MYO1H: variants seen among roughly 807,000 people sequenced by gnomAD.
The protein encoded by MYO1H is unconventional myosin-Ih.
Under a neutral mutation model 149.3 loss-of-function variants are expected in MYO1H, and 118 were observed. The ratio of observed to expected loss-of-function variants is 0.79; its 90% CI spans 0.68 to 0.92. MYO1H has a LOEUF of 0.92. Ranked by LOEUF, MYO1H falls within the 40% of genes least tolerant of loss-of-function variation. The pLI, the probability that MYO1H is intolerant of heterozygous loss-of-function variation, is 0.00. For missense variants in MYO1H, 1,212 were observed against 1,280.7 expected (o/e 0.95, Z 0.82); for synonymous variants, 447 against 465.2 (o/e 0.96, Z 0.50).
the MYO1H span, among the ~76,000 whole-genome samples, chr12:109,331,867 C>T: frequency 6.6e-6 from 1 of 152,164 alleles, no homozygotes. Context: ...GTGTATACAG[C>T]CTAACCCTGT....
chr12:109,347,808 T>G (rs1868370996), upstream of MYO1H: 2 of 395,664 alleles, frequency 5.1e-6, no homozygotes, highest in East Asian at 7.2e-5. Flanking sequence ...CCTCCCACCG[T>G]AAATTATTAA....
chr12:109,320,561 T>C, the MYO1H span, among the ~76,000 whole-genome samples: 2 of 137,868 alleles, frequency 1.5e-5, no homozygotes, highest in African/African-American at 5.5e-5. Context: ...GAGGCAGAGG[T>C]TGCAGTGAGC....
At chr12:109,329,793 C>T in the MYO1H span, among the ~76,000 whole-genome samples, 2 of 152,240 alleles carry the variant, frequency 1.3e-5, no homozygotes, top group Middle Eastern at 3.4e-3. Flanking sequence ...AATTATATGC[C>T]AGTGATTATG....
chr12:109,417,027 C>T (rs897707139), intron 15 of MYO1H, among the ~76,000 whole-genome samples: 4 of 151,166 alleles, frequency 2.6e-5, no homozygotes, highest in East Asian at 2.0e-4. Flanking sequence ...AAAAATTAGC[C>T]GGTCGTGGTG....
chr12:109,324,191 A>G, the MYO1H span, among the ~76,000 whole-genome samples: 5 of 152,182 alleles, frequency 3.3e-5, no homozygotes, highest in African/African-American at 7.2e-5. Flanking sequence ...GATGAGGTCA[A>G]CTGACCAGAA....
the MYO1H span, among the ~76,000 whole-genome samples, chr12:109,319,991 T>TATTA: frequency 6.6e-6 from 1 of 152,160 alleles, no homozygotes; most frequent in South Asian, 2.1e-4. Context: ...ATGGTAGCCA[T>TATTA]GAACCATACG....
intron 16 of MYO1H, among the ~76,000 whole-genome samples, chr12:109,422,675 A>G (rs1871225060): frequency 6.6e-6 from 1 of 152,194 alleles, no homozygotes; most frequent in South Asian, 2.1e-4. Flanking sequence ...TGACTTCAGG[A>G]CGGAACACTT....
chr12:109,335,637 T>A, the MYO1H span, among the ~76,000 whole-genome samples: 2 of 152,232 alleles, frequency 1.3e-5, no homozygotes, highest in African/African-American at 4.8e-5. Context: ...GAATTGGAAT[T>A]GCATTAAATA....
chr12:109,423,350 C>T (rs919127424), intron 16 of MYO1H, among the ~76,000 whole-genome samples: 2 of 152,076 alleles, frequency 1.3e-5, no homozygotes, highest in African/African-American at 2.4e-5. Context: ...TTAGTAGAGA[C>T]GGTGTTTCAC....
rs1440790216 is a variant in MYO1H at position 109,443,226 on chromosome 12, GTA to G, written c.2689-284_2689-283del. ...TGTATATGTGTACGTATATGTGTGT[GTA>G]TATGTGTACGTATATGTGTGTGTAT... On this transcript the variant is annotated intron_variant, in intron 27 of 31. Transcript: ENST00000310903. Among the ~76,000 whole-genome samples the G allele has an allele frequency of 7.5e-4, 48 of 63,990 alleles. 11 individuals are homozygous for G. Among genetic ancestry groups the G allele is most frequent in the Non-Finnish European group, 1.0e-3 (32 of 31,026 alleles). 42.0% of individuals were successfully genotyped at this position (63,990 alleles called of 152,430 possible). A position where few individuals can be genotyped will look rare whatever the true frequency, so the allele number is the denominator to read the frequency against.
chr12:109,359,904 T>C (rs1394610954), intron 1 of MYO1H, among the ~76,000 whole-genome samples: 1 of 152,186 alleles, frequency 6.6e-6, no homozygotes, highest in East Asian at 1.9e-4. Flanking sequence ...TTTAAAGGAA[T>C]GTTTGAACTC....
chr12:109,441,913 G>A (rs565591506), intron 26 of MYO1H, among the ~76,000 whole-genome samples: 3 of 152,200 alleles, frequency 2.0e-5, no homozygotes, highest in African/African-American at 7.2e-5. Flanking sequence ...AGGGCGTGGT[G>A]GTGTCCACCT....
intron 5 of MYO1H, 87 bp downstream of exon 5, chr12:109,397,899 C>A: frequency 1.0e-6 from 1 of 982,446 alleles, no homozygotes; most frequent in Non-Finnish European, 1.4e-6. Flanking sequence ...AAGGGGAGAA[C>A]GGCATTTTTT....
At chr12:109,412,953 TTTGTTGTTG>T (rs79763914) in intron 14 of MYO1H, among the ~76,000 whole-genome samples, 15 of 147,088 alleles carry the variant, frequency 1.0e-4, no homozygotes, top group South Asian at 6.6e-4. Flanking sequence ...GCCCGGCTAA[TTTGTTGTTG>T]TTGTTGTTGT....
chr12:109,368,728 A>AG (rs141306736), intron 1 of MYO1H, among the ~76,000 whole-genome samples: 14,861 of 151,114 alleles, frequency 0.098, 1,494 homozygotes, highest in African/African-American at 0.26. Context: ...TTTTAGATTC[A>AG]GGGGTACACG....
intron 15 of MYO1H, among the ~76,000 whole-genome samples, chr12:109,419,288 C>T (rs7954301): frequency 0.18 from 26,861 of 151,866 alleles, 2,776 homozygotes; most frequent in African/African-American, 0.28. Context: ...TTCCATGTGC[C>T]GGGTGCTAGG....
the MYO1H span, among the ~76,000 whole-genome samples, chr12:109,311,029 T>C: frequency 2.0e-5 from 3 of 152,258 alleles, no homozygotes; most frequent in Non-Finnish European, 4.4e-5. Flanking sequence ...TTTGGGTTTA[T>C]TTCTGTTAAT....
At position 109,385,941 on chromosome 12, in the gene MYO1H, T is replaced by G. The variant is rs541967786; in HGVS notation, c.13-2742T>G. On this transcript the variant is annotated intron_variant, in intron 1 of 31. Transcript: ENST00000310903. ...TGCACACAATTTTAACAGTTTATCT[T>G]GACCGATAGATATACTCATGTAACC... Among the ~76,000 whole-genome samples the G allele has an allele frequency of 2.8e-4, 42 of 152,334 alleles. No homozygotes were observed. The South Asian group carries it at 8.7e-3, about 32-fold the overall frequency.
At chr12:109,416,100 G>A (rs1031061992) in intron 15 of MYO1H, among the ~76,000 whole-genome samples, 16 of 151,822 alleles carry the variant, frequency 1.1e-4, no homozygotes, top group African/African-American at 2.9e-4. Context: ...CCACCACCAC[G>A]ACCAGCTAAT....
Sources: gnomAD v4.1 joint callset for allele counts (sites outside exome capture counted in the v4.1 genomes callset) on GRCh38, gnomAD v4.1.1 for gene constraint, MANE v1.5 for transcripts, NCBI Gene and HGNC (gene_info 2026-07-23, HGNC 2026-07-21) for gene names.